The following CBL variants were observed in gnomAD, a reference collection of about 807,000 sequenced individuals.
CBL encodes Cbl proto-oncogene, also known as E3 ubiquitin-protein ligase CBL.
Under a neutral mutation model 96.9 loss-of-function variants are expected in CBL, and 45 were observed. The ratio of observed to expected loss-of-function variants is 0.46; its 90% confidence interval spans 0.37 to 0.60. The LOEUF (loss-of-function observed/expected upper bound fraction) is 0.60, where lower values mean the gene tolerates loss of function less well. Ranked by LOEUF, CBL falls within the 20% of genes least tolerant of loss-of-function variation. CBL has a pLI of 0.00. For synonymous variants in CBL, 420 were observed against 426.8 expected, an observed-to-expected ratio of 0.98 and a Z score of 0.20; for missense variants, 1,024 against 1,143.5, an observed-to-expected ratio of 0.90 and a Z score of 1.51.
intron 1 of CBL, among the ~76,000 whole-genome samples, chr11:119,225,428 T>G (rs969707119): frequency 6.6e-6 from 1 of 152,056 alleles, no homozygotes; most frequent in Non-Finnish European, 1.5e-5. Context: ...AGACAGGGTC[T>G]CATTCTGTCC....
At position 119,278,524 on chromosome 11, in the gene CBL, G is replaced by C. The variant is rs2135304416; in HGVS notation, c.1242G>C (p.Gln414His). ...CLTSWQESEGQGCPFCRCEIK... is the reference protein window; with the variant it reads ...CLTSWQESEGHGCPFCRCEIK... ...TTCTTCTGCAGGAATCAGAAGGTCA[G>C]GGCTGTCCTTTCTGCCGATGTGAAA... Residue 414 changes from glutamine to histidine, a missense_variant, in exon 9 of 16, where the codon CAG (glutamine) becomes CAC (histidine). Physicochemically the swap from Gln to His is conservative, Grantham distance 24. Coordinates refer to ENST00000264033, the MANE Select transcript of CBL (RefSeq NM_005188.4). The C allele has an allele frequency of 6.2e-7, 1 of 1,614,140 alleles. No individual in the cohort carries two copies. Among genetic ancestry groups the C allele is most frequent in the Non-Finnish European group, 8.5e-7 (1 of 1,179,990 alleles).
chr11:119,208,187 A>C (rs1205718611), intron 1 of CBL, among the ~76,000 whole-genome samples: 1 of 152,186 alleles, frequency 6.6e-6, no homozygotes, highest in Non-Finnish European at 1.5e-5. Flanking sequence ...AAACACATCG[A>C]AGATATTCAA....
chr11:119,270,767 G>A (rs1949841659), intron 2 of CBL, among the ~76,000 whole-genome samples: 2 of 152,050 alleles, frequency 1.3e-5, no homozygotes, highest in Admixed American at 6.6e-5. Context: ...TTTTAGTAGA[G>A]ACAGGGTTTC....
chr11:119,277,632 T>C, intron 6 of CBL, 125 bp from the exon 7 acceptor site: 1 of 693,508 alleles, frequency 1.4e-6, no homozygotes, highest in Non-Finnish European at 2.6e-6. Flanking sequence ...TGAAGTAAGA[T>C]TGATCTTTAT....
intron 6 of CBL, among the ~76,000 whole-genome samples, chr11:119,277,270 C>CACACACACACACACACACAT (rs993033451): frequency 9.9e-5 from 15 of 151,696 alleles, no homozygotes; most frequent in African/African-American, 3.4e-4. Context: ...CACACACACA[C>CACACACACACACACACACAT]ATAAAGAATT....
rs1787804143 is a variant in CBL at position 119,306,726 on chromosome 11, G to T, written c.*6945G>T. 4.0e-6 allele frequency: 1 copy of T among 248,378 alleles called. No homozygotes were observed. Among genetic ancestry groups the T allele is most frequent in the South Asian group, 1.8e-4 (1 of 5,656 alleles). 15.4% of individuals were successfully genotyped at this position (248,378 alleles called of 1,614,324 possible). On this transcript the variant is annotated 3_prime_UTR_variant, in exon 16 of 16. Transcript: ENST00000264033. ...TGGGTGAGTGAGCCTGCAACGCAAT[G>T]CCCATGAGAGTAAATGCCTCCTGAC...
chr11:119,208,635 T>C (rs923803504), intron 1 of CBL, among the ~76,000 whole-genome samples: 3 of 152,130 alleles, frequency 2.0e-5, no homozygotes, highest in African/African-American at 7.2e-5. Flanking sequence ...AGGTGATCCA[T>C]GCGCCACGGC....
At chr11:119,242,741 T>TAAAAAAA in intron 2 of CBL, among the ~76,000 whole-genome samples, 1 of 117,946 alleles carries the variant, frequency 8.5e-6, no homozygotes, top group Non-Finnish European at 1.8e-5. Context: ...CCTGACTCTT[T>TAAAAAAA]AAAAAAAAAA....
chr11:119,291,317 T>C (rs1489150954), intron 12 of CBL, among the ~76,000 whole-genome samples: 2 of 152,164 alleles, frequency 1.3e-5, no homozygotes, highest in Non-Finnish European at 2.9e-5. Context: ...CCCAGGACGT[T>C]GAGGCTGCTG....
intron 1 of CBL, among the ~76,000 whole-genome samples, chr11:119,223,598 T>G (rs1401386112): frequency 6.7e-6 from 1 of 149,914 alleles, no homozygotes; most frequent in African/African-American, 2.4e-5. Flanking sequence ...CCCGGCTAAA[T>G]TTTTTTTTAT....
intron 12 of CBL, among the ~76,000 whole-genome samples, chr11:119,293,945 G>T (rs182831574): frequency 1.8e-4 from 28 of 152,192 alleles, no homozygotes; most frequent in African/African-American, 6.0e-4. Context: ...TACTTTAAAC[G>T]CCTAGTTCAA....
At chr11:119,215,556 C>T (rs903624679) in intron 1 of CBL, among the ~76,000 whole-genome samples, 5 of 151,792 alleles carry the variant, frequency 3.3e-5, no homozygotes, top group Non-Finnish European at 7.4e-5. Flanking sequence ...ATCCCAGCTC[C>T]TCGGGAGGCT....
chr11:119,274,770 T>C (rs1214631303), intron 4 of CBL, 62 bp from the exon 5 acceptor site: 2 of 1,467,736 alleles, frequency 1.4e-6, no homozygotes, highest in African/African-American at 2.8e-5. Flanking sequence ...TTTTTTCTCA[T>C]TGCCCTCTGA....
chr11:119,276,557 C>T (rs1048855046), intron 6 of CBL, among the ~76,000 whole-genome samples: 4 of 152,222 alleles, frequency 2.6e-5, no homozygotes, highest in African/African-American at 9.6e-5. Flanking sequence ...AGCAGCATTT[C>T]TTCAGGCCTT....
Position 119,301,552 on chromosome 11 carries a change from G to A in CBL, c.*1771G>A, listed in dbSNP as rs1950101917. The A allele has an allele frequency of 4.3e-6, 1 of 233,228 alleles. No individual in the cohort carries two copies. The highest frequency in any genetic ancestry group is 1.8e-4 in the South Asian group (1 of 5,528). 14.4% of individuals were successfully genotyped at this position (233,228 alleles called of 1,614,324 possible). A position where few individuals can be genotyped will look rare whatever the true frequency, so the allele number is the denominator to read the frequency against. On this transcript the variant is annotated 3_prime_UTR_variant, in exon 16 of 16. Transcript: ENST00000264033. ...TTTCTTTCCAGTCTAATCATCTTTGGAACTAAAACTTGTTCTAACTCGTCT... is the reference window on the plus strand; with the variant it reads ...TTTCTTTCCAGTCTAATCATCTTTGAAACTAAAACTTGTTCTAACTCGTCT...
chr11:119,219,238 G>A (rs1949388173), intron 1 of CBL, among the ~76,000 whole-genome samples: 1 of 151,946 alleles, frequency 6.6e-6, no homozygotes, highest in Non-Finnish European at 1.5e-5. Flanking sequence ...AATTAGCCAG[G>A]TATGGAGGCG....
intron 2 of CBL, among the ~76,000 whole-genome samples, chr11:119,246,841 A>G (rs2135276894): frequency 6.6e-6 from 1 of 152,304 alleles, no homozygotes; most frequent in African/African-American, 2.4e-5. Context: ...TTGTAATTGG[A>G]ATGATTGTTT....
rs1325390597 is a variant in CBL, at chr11:119,302,256, C to G, written c.*2475C>G. 1 of 232,510 alleles carries G rather than the reference C, an allele frequency of 4.3e-6. No individual in the cohort carries two copies. The allele number at this position is 232,510 out of a possible 1,614,324, so 14.4% of individuals were successfully genotyped here. On this transcript the variant is annotated 3_prime_UTR_variant, in exon 16 of 16. Coordinates refer to ENST00000264033, the MANE Select transcript of CBL (RefSeq NM_005188.4). The stretch of plus-strand genomic sequence containing the variant: ...TGAGGATCTTTCCTTTGACTGGGTG[C>G]TGTGAGGACACACCTGGGTCTGTGC...
At chr11:119,211,919 AT>A (rs1042433645) in intron 1 of CBL, among the ~76,000 whole-genome samples, 1 of 150,858 alleles carries the variant, frequency 6.6e-6, no homozygotes, top group Non-Finnish European at 1.5e-5. Context: ...TTTTTATTTT[AT>A]TTTTTTTATT....
Sources: allele counts gnomAD v4.1 joint callset (sites outside exome capture counted in the v4.1 genomes callset), GRCh38; gene constraint gnomAD v4.1.1; transcripts MANE v1.5; gene names NCBI Gene and HGNC (gene_info 2026-07-23, HGNC 2026-07-21).